The following SNX14 variants were observed in gnomAD, a reference collection of about 807,000 sequenced individuals.
SNX14 encodes sorting nexin 14.
A neutral mutation model predicts 133.8 loss-of-function variants in SNX14; 93 were observed. That is an observed-to-expected ratio of 0.70 (90% CI 0.59 to 0.83). SNX14 has a LOEUF of 0.83. SNX14 is among the 40% of genes least tolerant of loss of function. The pLI is 0.00. For synonymous variants in SNX14, 368 were observed against 365.6 expected, an observed-to-expected ratio of 1.01 and a Z score of -0.07; for missense variants, 945 against 1,094.9, an observed-to-expected ratio of 0.86 and a Z score of 1.93.
At chr6:85,506,320 AT>A (rs61396032) in intron 28 of SNX14, among the ~76,000 whole-genome samples, 17,727 of 145,074 alleles carry the variant, frequency 0.12, 1,462 homozygotes, top group African/African-American at 0.25. Context: ...TAACTTGAAA[AT>A]TTTTTTTTTT....
intron 1 of SNX14, among the ~76,000 whole-genome samples, chr6:85,584,802 G>C (rs1800139047): frequency 6.6e-6 from 1 of 152,198 alleles, no homozygotes; most frequent in East Asian, 1.9e-4. Flanking sequence ...CTGTTGGTGG[G>C]AGTGTAAATT....
intron 1 of SNX14, among the ~76,000 whole-genome samples, chr6:85,586,572 A>AT (rs951787654): frequency 3.5e-4 from 53 of 150,092 alleles, no homozygotes; most frequent in African/African-American, 9.0e-4. Flanking sequence ...TATGGAAGTG[A>AT]TTTTTTTTTT....
intron 1 of SNX14, among the ~76,000 whole-genome samples, chr6:85,592,360 T>C (rs927823164): frequency 2.0e-5 from 3 of 152,252 alleles, no homozygotes; most frequent in African/African-American, 7.2e-5. Flanking sequence ...CATTCCTCCC[T>C]GTTGCTATCC....
At chr6:85,528,189 A>G in intron 20 of SNX14, 73 bp downstream of exon 20, 1 of 1,028,790 alleles carries the variant, frequency 9.7e-7, no homozygotes, top group Non-Finnish European at 1.5e-6. Flanking sequence ...GAACATATAC[A>G]CAAGAGAAAA....
At chr6:85,528,164 T>C in intron 20 of SNX14, 98 bp downstream of exon 20, 1 of 684,936 alleles carries the variant, frequency 1.5e-6, no homozygotes, top group Non-Finnish European at 2.3e-6. Context: ...CATGGACAGG[T>C]ATTTATAAAC....
intron 12 of SNX14, among the ~76,000 whole-genome samples, chr6:85,546,832 A>G (rs1422707429): frequency 2.0e-5 from 3 of 152,094 alleles, no homozygotes; most frequent in Non-Finnish European, 2.9e-5. Context: ...GTGCTGGCAC[A>G]TGCCTGTAAT....
In SNX14 at chr6:85,533,800, T is replaced by C; in HGVS notation, c.1609A>G (p.Ile537Val). 1 of 1,609,018 alleles carries C rather than the reference T, an allele frequency of 6.2e-7. No individual in the cohort carries two copies. Among genetic ancestry groups the C allele is most frequent in the Non-Finnish European group, 8.5e-7 (1 of 1,178,870 alleles). Residue 537 changes from isoleucine (I) to valine (V), a missense_variant and splice_region_variant, in exon 18 of 29, where the codon ATT (isoleucine) becomes GTT (valine). By Grantham distance (29) the Ile-to-Val change is conservative. Transcript: ENST00000314673. The part of the protein sequence containing the change: ...YGVAEGEDDF[I>V]EEGIVVMEDD... ...TCCATTACAACAATACCTTCTTCAA[T>C]CTGGAAAAAAATTACCAGGATGAAT...
chr6:85,522,968 A>G (rs984926230), intron 21 of SNX14, among the ~76,000 whole-genome samples: 1 of 152,192 alleles, frequency 6.6e-6, no homozygotes, highest in Non-Finnish European at 1.5e-5. Flanking sequence ...CTTCCTAAGA[A>G]AGGCTTCCCT....
chr6:85,549,361 A>G (rs1786951539), intron 8 of SNX14, among the ~76,000 whole-genome samples: 1 of 152,086 alleles, frequency 6.6e-6, no homozygotes, highest in African/African-American at 2.4e-5. Context: ...AAACTCATCT[A>G]TATAGTTTGT....
intron 21 of SNX14, among the ~76,000 whole-genome samples, chr6:85,520,763 T>A (rs928351042): frequency 3.9e-5 from 6 of 152,232 alleles, no homozygotes; most frequent in South Asian, 4.1e-4. Context: ...ATGTTTTGTT[T>A]CTTTCATTCA....
intron 26 of SNX14, 162 bp from the exon 27 acceptor site, chr6:85,508,221 AG>A: frequency 7.7e-7 from 1 of 1,293,336 alleles, no homozygotes; most frequent in Non-Finnish European, 9.8e-7. Context: ...CCTGGATAAG[AG>A]GTTTCTATGG....
In SNX14 at chr6:85,585,999, A is replaced by G. The variant is rs552561385; in HGVS notation, c.140+7580T>C. Among the ~76,000 whole-genome samples, 3 of 152,172 alleles carry G rather than the reference A, an allele frequency of 2.0e-5. No homozygotes were observed. The South Asian group carries it at 6.2e-4, about 32-fold the overall frequency. The stretch of plus-strand genomic sequence containing the variant: ...CCACTCCCCGCAACAGGAAAAAAAA[A>G]AAAAAAAAACTAAATCTAATTGAGC... On this transcript the variant is annotated intron_variant, in intron 1 of 28. Transcript: ENST00000314673.
chr6:85,542,663 G>T (rs1237982919), intron 14 of SNX14, among the ~76,000 whole-genome samples: 1 of 152,126 alleles, frequency 6.6e-6, no homozygotes, highest in Non-Finnish European at 1.5e-5. Flanking sequence ...CAAAGTGCTG[G>T]GATTATAGGC....
chr6:85,547,189 T>C lies in SNX14; in HGVS notation c.1031A>G (p.Gln344Arg). 1 of 1,614,064 alleles carries C rather than the reference T, an allele frequency of 6.2e-7. No individual in the cohort carries two copies. The highest frequency in any genetic ancestry group is 8.5e-7 in the Non-Finnish European group (1 of 1,179,944). The change falls in exon 12 of 29, where the codon CAA becomes CGA. Residue 344 changes from glutamine to arginine, a missense_variant. Gln to Arg is a conservative substitution (Grantham distance 43). Transcript: ENST00000314673. The part of the protein sequence containing the change: ...KLELKQIREQ[Q>R]DLLFRFMNFL... ...GTTCATAAAACGAAATAAAAGATCT[T>C]GTTGCTCTCTGATTTGCTTCAATTC... is the stretch of plus-strand genomic sequence containing the variant.
chr6:85,548,249 T>C (rs1786421241), intron 9 of SNX14, 52 bp downstream of exon 9: 6 of 1,298,634 alleles, frequency 4.6e-6, no homozygotes, highest in Non-Finnish European at 5.5e-6. Flanking sequence ...AGATACTAAA[T>C]GTTATATTAA....
chr6:85,517,296 C>A (rs1244088886), intron 23 of SNX14, among the ~76,000 whole-genome samples: 2 of 152,212 alleles, frequency 1.3e-5, no homozygotes, highest in Non-Finnish European at 2.9e-5. Flanking sequence ...GCACTAAACA[C>A]CTTCTTGAGG....
intron 19 of SNX14, among the ~76,000 whole-genome samples, chr6:85,528,735 T>A (rs944541390): frequency 6.6e-5 from 10 of 152,098 alleles, no homozygotes; most frequent in Non-Finnish European, 2.9e-5. Flanking sequence ...AAAGATAGCA[T>A]CTTGTCAATG....
intron 16 of SNX14, among the ~76,000 whole-genome samples, chr6:85,538,538 A>G (rs1037871133): frequency 3.3e-5 from 5 of 152,176 alleles, no homozygotes. Flanking sequence ...AGCAAAATCA[A>G]CAAGAACAAA....
chr6:85,578,934 G>A (rs1352422336), intron 1 of SNX14, among the ~76,000 whole-genome samples: 2 of 152,054 alleles, frequency 1.3e-5, no homozygotes, highest in Admixed American at 6.6e-5. Flanking sequence ...TCAGGAGTTC[G>A]AGACCAGCCT....
Sources: gnomAD v4.1 joint callset for allele counts (sites outside exome capture counted in the v4.1 genomes callset) on GRCh38, gnomAD v4.1.1 for gene constraint, MANE v1.5 for transcripts, NCBI Gene and HGNC (gene_info 2026-07-23, HGNC 2026-07-21) for gene names.